The following PTPRE variants were observed in gnomAD, a reference collection of about 807,000 sequenced individuals.
The protein encoded by PTPRE is protein tyrosine phosphatase receptor type E, also known as receptor-type tyrosine-protein phosphatase epsilon.
A neutral mutation model predicts 102.0 loss-of-function variants in PTPRE; 51 were observed. That is an observed-to-expected ratio of 0.50 (90% CI 0.40 to 0.63). PTPRE has a LOEUF of 0.63. Among genes scored for constraint, PTPRE ranks in the 30% least tolerant of loss-of-function variants. The pLI is 0.00. For synonymous variants in PTPRE, 345 were observed against 348.2 expected (o/e 0.99, Z 0.10); for missense variants, 752 against 915.1 (o/e 0.82, Z 2.30).
intron 1 of PTPRE, among the ~76,000 whole-genome samples, chr10:127,924,401 T>C (rs1305521035): frequency 1.3e-5 from 2 of 152,194 alleles, no homozygotes; most frequent in Non-Finnish European, 2.9e-5. Flanking sequence ...AATTTTTGTA[T>C]TTTTAGTAGA....
At chr10:128,017,898 C>A (rs1845565199) in intron 2 of PTPRE, among the ~76,000 whole-genome samples, 1 of 152,216 alleles carries the variant, frequency 6.6e-6, no homozygotes, top group Admixed American at 6.5e-5. Flanking sequence ...CACAAAACGA[C>A]CTTCTCGGAG....
chr10:127,912,532 A>G (rs1845934095), intron 1 of PTPRE, among the ~76,000 whole-genome samples: 1 of 152,228 alleles, frequency 6.6e-6, no homozygotes, highest in African/African-American at 2.4e-5. Context: ...TGAAGAAAAA[A>G]AAAAGATTCT....
In PTPRE at chr10:128,008,460, G is replaced by A. The variant is rs1406003831; in HGVS notation, c.-8+26164G>A. Reference sequence around the variant, plus strand: ...AAAAGTTTCAGTAGCCAGGGATAATGTCAAACAGCCAGTCCCGGGTTTCTA... The same window carrying A: ...AAAAGTTTCAGTAGCCAGGGATAATATCAAACAGCCAGTCCCGGGTTTCTA... On this transcript the variant is annotated intron_variant, in intron 2 of 20. Coordinates refer to ENST00000254667, the MANE Select transcript of PTPRE (RefSeq NM_006504.6). The surrounding 1 kb of genome is among the most constrained non-coding windows in gnomAD (Gnocchi z 4.0). Among the ~76,000 whole-genome samples the A allele has an allele frequency of 6.6e-6, 1 of 152,224 alleles. No homozygotes were observed. Among genetic ancestry groups the A allele is most frequent in the Non-Finnish European group, 1.5e-5 (1 of 68,048 alleles).
At chr10:128,032,499 C>G (rs1483656753) in intron 2 of PTPRE, among the ~76,000 whole-genome samples, 1 of 152,236 alleles carries the variant, frequency 6.6e-6, no homozygotes, top group Non-Finnish European at 1.5e-5. Flanking sequence ...ACCGTCTTCT[C>G]TCTCTTCACC....
intron 2 of PTPRE, chr10:127,998,304 G>A (rs1853489916): frequency 6.6e-6 from 1 of 152,208 alleles, no homozygotes; most frequent in African/African-American, 2.4e-5. Context: ...GCAAAGCAGC[G>A]ACTGGGGAAG....
rs1851981943 is a variant in PTPRE at position 128,084,826 on chromosome 10, T to C, written c.*1920T>C. 1 of 153,262 alleles carries C rather than the reference T, an allele frequency of 6.5e-6. No homozygotes were observed. Among genetic ancestry groups the C allele is most frequent in the African/African-American group, 2.6e-5 (1 of 37,860 alleles). 9.5% of individuals were successfully genotyped at this position (153,262 alleles called of 1,614,324 possible). ...AGGTGACATTTCTCTGGTCATTTAT[T>C]TGAGAGTTCGAAGTCAAAGTCGAGG... On this transcript the variant is annotated 3_prime_UTR_variant, in exon 21 of 21. Coordinates refer to ENST00000254667, the MANE Select transcript of PTPRE (RefSeq NM_006504.6).
At chr10:127,972,404 C>T (rs958000159) in intron 1 of PTPRE, among the ~76,000 whole-genome samples, 1 of 152,156 alleles carries the variant, frequency 6.6e-6, no homozygotes, top group Non-Finnish European at 1.5e-5. Flanking sequence ...TCAGGGTGGC[C>T]GTGAGGATCA....
chr10:127,993,153 G>A (rs996978998), intron 2 of PTPRE, among the ~76,000 whole-genome samples: 2 of 152,140 alleles, frequency 1.3e-5, no homozygotes, highest in African/African-American at 4.8e-5. Flanking sequence ...ACTACATCAG[G>A]GGTGTCACAG....
intron 5 of PTPRE, 25 bp from the exon 6 acceptor site, chr10:128,049,505 C>T (rs377069781): frequency 8.1e-5 from 130 of 1,611,926 alleles, no homozygotes; most frequent in Non-Finnish European, 1.1e-4. Context: ...GCTAAATGGC[C>T]CCCATGTTTC....
At chr10:128,021,949 C>T (rs1845921095) in intron 2 of PTPRE, among the ~76,000 whole-genome samples, 1 of 152,228 alleles carries the variant, frequency 6.6e-6, no homozygotes, top group Non-Finnish European at 1.5e-5. Flanking sequence ...ATTTTCAGGA[C>T]TGATCCTAGA....
rs1212639895 is a variant in PTPRE at position 128,079,546 on chromosome 10, C to A, written c.1893-14C>A. 10 of 1,612,862 alleles carry A rather than the reference C, an allele frequency of 6.2e-6. No individual in the cohort carries two copies. The highest frequency in any genetic ancestry group is 7.6e-6 in the Non-Finnish European group (9 of 1,179,604). On this transcript the variant is annotated splice_polypyrimidine_tract_variant and intron_variant, in intron 19 of 20. Transcript: ENST00000254667. ...CAAGTCGGATGATCTGCATTAAGCGCTTTTTCTCTGCAGTGCCGGAGCTGG... is the reference window on the plus strand; with the variant it reads ...CAAGTCGGATGATCTGCATTAAGCGATTTTTCTCTGCAGTGCCGGAGCTGG...
intron 1 of PTPRE, among the ~76,000 whole-genome samples, chr10:127,966,327 A>C (rs537923942): frequency 1.2e-4 from 18 of 152,296 alleles, no homozygotes; most frequent in African/African-American, 4.1e-4. Flanking sequence ...TATCTTTTAA[A>C]ATGGGTCAAT....
At chr10:127,975,609 G>A (rs751458159) in intron 1 of PTPRE, among the ~76,000 whole-genome samples, 2 of 152,100 alleles carry the variant, frequency 1.3e-5, no homozygotes, top group African/African-American at 2.4e-5. Context: ...CAATTGGCAC[G>A]CTGAAAAAGA....
rs1852017468 is a variant in PTPRE, at chr10:128,085,388, A to G, written c.*2482A>G. 8.7e-6 allele frequency: 2 copies of G among 229,522 alleles called. No homozygotes were observed. Among genetic ancestry groups the G allele is most frequent in the African/African-American group, 2.2e-5 (1 of 44,880 alleles). 14.2% of individuals were successfully genotyped at this position (229,522 alleles called of 1,614,324 possible). ...TTCCTTTCACACTTTCCTTTGTTGC[A>G]TGCAGTTGGGTTCAAATGCCAAATA... On this transcript the variant is annotated 3_prime_UTR_variant, in exon 21 of 21. Coordinates refer to ENST00000254667, the MANE Select transcript of PTPRE (RefSeq NM_006504.6).
At chr10:127,962,528 G>T (rs1849903460) in intron 1 of PTPRE, among the ~76,000 whole-genome samples, 1 of 152,216 alleles carries the variant, frequency 6.6e-6, no homozygotes, top group Non-Finnish European at 1.5e-5. Context: ...AGGGGTCGAT[G>T]GAGTGTGCCC....
chr10:128,053,356 C>A (rs1014193384), intron 6 of PTPRE, among the ~76,000 whole-genome samples: 1 of 152,210 alleles, frequency 6.6e-6, no homozygotes, highest in African/African-American at 2.4e-5. Flanking sequence ...GCCAATCACA[C>A]AATATTTATT....
At chr10:127,950,530 A>T (rs1848937243) in intron 1 of PTPRE, among the ~76,000 whole-genome samples, 1 of 152,138 alleles carries the variant, frequency 6.6e-6, no homozygotes, top group Admixed American at 6.5e-5. Flanking sequence ...TGAGAAACAG[A>T]TTTCTGGGGG....
chr10:128,043,285 C>T (rs1030648054), intron 3 of PTPRE, among the ~76,000 whole-genome samples: 1 of 152,236 alleles, frequency 6.6e-6, no homozygotes, highest in Non-Finnish European at 1.5e-5. Context: ...GTTCCTGCAA[C>T]TAGACGGCCC....
chr10:127,966,218 C>A (rs927019522), intron 1 of PTPRE, among the ~76,000 whole-genome samples: 3 of 152,162 alleles, frequency 2.0e-5, no homozygotes, highest in Non-Finnish European at 4.4e-5. Flanking sequence ...CCTCTGGGAC[C>A]CCCTACCCCT....
Sources: gnomAD v4.1 joint callset for allele counts (sites outside exome capture counted in the v4.1 genomes callset) on GRCh38, gnomAD v4.1.1 for gene constraint, Gnocchi (gnomAD v3.1) non-coding constraint, MANE v1.5 for transcripts, NCBI Gene and HGNC (gene_info 2026-07-23, HGNC 2026-07-21) for gene names.